Variants in CRYZL1 observed in about 807,000 individuals in gnomAD.
CRYZL1 encodes the protein ferry endosomal RAB5 effector complex subunit 4.
Under a neutral mutation model 50.6 loss-of-function variants are expected in CRYZL1, and 34 were observed. The observed-to-expected ratio is 0.67, with a 90% CI of 0.51 to 0.89. The LOEUF is 0.89. Among genes scored for constraint, CRYZL1 ranks in the 40% least tolerant of loss-of-function variants. The pLI is 0.00. For missense variants in CRYZL1, 354 were observed against 402.3 expected (o/e 0.88, Z 1.03); for synonymous variants, 125 against 134.3 (o/e 0.93, Z 0.48).
At chr21:33,601,454 A>C (rs989964037) in intron 8 of CRYZL1, among the ~76,000 whole-genome samples, 1 of 152,144 alleles carries the variant, frequency 6.6e-6, no homozygotes, top group Non-Finnish European at 1.5e-5. Context: ...TAGTTCTCTG[A>C]GGCTTGTCTC....
At chr21:33,638,177 G>A (rs941042962) in intron 1 of CRYZL1, among the ~76,000 whole-genome samples, 1 of 150,804 alleles carries the variant, frequency 6.6e-6, no homozygotes, top group Middle Eastern at 3.5e-3. Context: ...TCTGCAGGGT[G>A]TGGAGGATGG....
At chr21:33,620,085 A>G (rs1260930752) in intron 4 of CRYZL1, among the ~76,000 whole-genome samples, 1 of 152,220 alleles carries the variant, frequency 6.6e-6, no homozygotes, top group Non-Finnish European at 1.5e-5. Flanking sequence ...ATGATCATCT[A>G]GTTATTGTAT....
At chr21:33,629,124 A>G (rs2087107338) in intron 2 of CRYZL1, among the ~76,000 whole-genome samples, 1 of 151,246 alleles carries the variant, frequency 6.6e-6, no homozygotes, top group Non-Finnish European at 1.5e-5. Flanking sequence ...AGTCTCAGTT[A>G]CTCAGGAAGC....
intron 10 of CRYZL1, chr21:33,596,243 T>C (rs1394584151): frequency 1.1e-5 from 5 of 435,688 alleles, no homozygotes; most frequent in African/African-American, 2.1e-5. Flanking sequence ...TATATAGTAA[T>C]TCCAATTTGA....
intron 4 of CRYZL1, among the ~76,000 whole-genome samples, chr21:33,620,991 G>A (rs1352824800): frequency 1.1e-3 from 108 of 96,630 alleles, no homozygotes; most frequent in Non-Finnish European, 1.5e-3. Context: ...CTGCAGCTCC[G>A]CCCCCTGGGG....
intron 1 of CRYZL1, among the ~76,000 whole-genome samples, chr21:33,637,833 T>C (rs1421963533): frequency 6.8e-6 from 1 of 147,520 alleles, no homozygotes; most frequent in African/African-American, 2.5e-5. Flanking sequence ...GAAAAACAGA[T>C]GAAGTCAACT....
chr21:33,592,470 C>T lies in CRYZL1; in HGVS notation c.905-1263G>A, dbSNP rs563868921. On this transcript the variant is annotated intron_variant, in intron 11 of 12. Coordinates refer to ENST00000381554, the MANE Select transcript of CRYZL1 (RefSeq NM_145858.3). ...TTTTTGATCCTTGATTGGTTGAATC[C>T]CTGGATGTGGAACCCTCAGATACAG... Among the ~76,000 whole-genome samples, 14 of 152,160 alleles carry T rather than the reference C, an allele frequency of 9.2e-5. 1 individual carries two copies. The highest frequency in any genetic ancestry group is 2.7e-4 in the African/African-American group (11 of 41,506).
At chr21:33,627,578 T>A (rs1243902310) in intron 2 of CRYZL1, among the ~76,000 whole-genome samples, 1 of 152,160 alleles carries the variant, frequency 6.6e-6, no homozygotes, top group Non-Finnish European at 1.5e-5. Flanking sequence ...ATACTGTATA[T>A]GAAAATTCTA....
intron 6 of CRYZL1, among the ~76,000 whole-genome samples, chr21:33,606,429 T>C (rs2051385): frequency 0.82 from 125,180 of 151,804 alleles, 51,951 homozygotes; most frequent in East Asian, 0.98. Context: ...AGTTTGAGAC[T>C]AGCCTGGCCA....
chr21:33,624,567 A>G (rs2087038396), intron 3 of CRYZL1, 116 bp downstream of exon 3: 1 of 1,486,100 alleles, frequency 6.7e-7, no homozygotes, highest in Non-Finnish European at 9.0e-7. Context: ...AAAATTAACA[A>G]AAATGAAGAT....
intron 6 of CRYZL1, among the ~76,000 whole-genome samples, chr21:33,610,729 T>C (rs2086863132): frequency 7.5e-6 from 1 of 133,626 alleles, no homozygotes; most frequent in Admixed American, 7.3e-5. Context: ...GTTTGGTTGT[T>C]TTTTTTTTTT....
chr21:33,593,221 C>T (rs1373119081), intron 11 of CRYZL1, among the ~76,000 whole-genome samples: 2 of 151,986 alleles, frequency 1.3e-5, no homozygotes, highest in African/African-American at 4.8e-5. Context: ...ATTCTCCTGC[C>T]TCAGCCTCCC....
In CRYZL1 at chr21:33,603,477, C is replaced by T. The variant is rs755921026; in HGVS notation, c.392G>A (p.Arg131His). The change falls in exon 7 of 13, where the codon CGT becomes CAT. Residue 131 changes from arginine (R) to histidine (H), a missense_variant. Transcript: ENST00000381554. ...AAGATAATGCAGAGCTGTATAGGCACGCACTCCATCCCGAATGCTTCCTGC... is the reference window on the plus strand; with the variant it reads ...AAGATAATGCAGAGCTGTATAGGCATGCACTCCATCCCGAATGCTTCCTGC... ...EAAGSIRDGV[R>H]AYTALHYLSH... 1.1e-5 allele frequency: 17 copies of T among 1,614,010 alleles called. No homozygotes were observed. Among genetic ancestry groups the T allele is most frequent in the Middle Eastern group, 3.3e-4 (2 of 6,084 alleles).
At chr21:33,613,770 G>A (rs1448242888) in intron 5 of CRYZL1, among the ~76,000 whole-genome samples, 164 bp from the exon 6 acceptor site, 1 of 152,238 alleles carries the variant, frequency 6.6e-6, no homozygotes, top group African/African-American at 2.4e-5. Context: ...AGTGCACTGT[G>A]CCACTCCTGC....
chr21:33,599,256 G>A lies in CRYZL1; in HGVS notation c.578-8C>T. On this transcript the variant is annotated splice_polypyrimidine_tract_variant and splice_region_variant and intron_variant, in intron 8 of 12. Transcript: ENST00000381554. ...ATACATCAATCACTCGGGCTGTAAAGGACAGGAAATCAGGCAATTGTACTG... is the reference window on the plus strand; with the variant it reads ...ATACATCAATCACTCGGGCTGTAAAAGACAGGAAATCAGGCAATTGTACTG... 1 of 1,613,864 alleles carries A rather than the reference G, an allele frequency of 6.2e-7. No individual in the cohort carries two copies. Among genetic ancestry groups the A allele is most frequent in the East Asian group, 2.2e-5 (1 of 44,850 alleles).
At chr21:33,629,383 T>C (rs2087110545) in intron 2 of CRYZL1, among the ~76,000 whole-genome samples, 1 of 152,192 alleles carries the variant, frequency 6.6e-6, no homozygotes, top group Non-Finnish European at 1.5e-5. Flanking sequence ...TGCCTCAGCC[T>C]CCCGAGTAAC....
chr21:33,592,182 G>C (rs1441671462), intron 11 of CRYZL1, among the ~76,000 whole-genome samples: 5 of 149,136 alleles, frequency 3.4e-5, no homozygotes, highest in Admixed American at 6.7e-5. Context: ...CCCCTCTGTG[G>C]CCCAGGCTAG....
Position 33,631,521 on chromosome 21 carries a change from T to C in CRYZL1, c.31A>G (p.Thr11Ala). The change falls in exon 2 of 13, where the codon ACA (threonine) becomes GCA (alanine). Residue 11 changes from threonine (T) to alanine (A), a missense_variant. By Grantham distance (58) the Thr-to-Ala change is moderately conservative (BLOSUM62 0). Transcript: ENST00000381554. ...AATACAAATGTTATTTCTTCATCTG[T>C]GGAACTCTGTTGGAAATATAAGCCT... Reference protein sequence around the residue: MKGLYFQQSSTDEEITFVFQE... With the variant: MKGLYFQQSSADEEITFVFQE... The C allele has an allele frequency of 6.6e-7, 1 of 1,521,986 alleles. No individual in the cohort carries two copies. The highest frequency in any genetic ancestry group is 1.9e-4 in the Middle Eastern group (1 of 5,320). 94.3% of individuals were successfully genotyped at this position (1,521,986 alleles called of 1,614,324 possible). A position where few individuals can be genotyped will look rare whatever the true frequency, so the allele number is the denominator to read the frequency against.
intron 11 of CRYZL1, among the ~76,000 whole-genome samples, chr21:33,593,144 T>A (rs893237714): frequency 2.0e-5 from 3 of 152,108 alleles, no homozygotes; most frequent in Non-Finnish European, 4.4e-5. Context: ...TCTCGCTATG[T>A]TGCCCAGGCT....
Sources: allele counts gnomAD v4.1 joint callset (sites outside exome capture counted in the v4.1 genomes callset), GRCh38; gene constraint gnomAD v4.1.1; transcripts MANE v1.5; gene names NCBI Gene and HGNC (gene_info 2026-07-23, HGNC 2026-07-21).